Variants in IMPG2 observed in about 807,000 individuals in gnomAD.
IMPG2 encodes the protein IPM 200.
IMPG2 carries 91 observed loss-of-function variants against 129.2 expected under a neutral mutation model. The observed-to-expected ratio is 0.70, with a 90% CI of 0.59 to 0.84. IMPG2 has a LOEUF of 0.84. Ranked by LOEUF, IMPG2 falls within the 40% of genes least tolerant of loss-of-function variation. The pLI is 0.00. For missense variants in IMPG2, 1,430 were observed against 1,461.7 expected (o/e 0.98, Z 0.35); for synonymous variants, 510 against 517.7 (o/e 0.99, Z 0.20).
intron 1 of IMPG2, 117 bp from the exon 2 acceptor site, chr3:101,319,949 A>C (rs577420930): frequency 9.7e-7 from 1 of 1,031,408 alleles, no homozygotes; most frequent in South Asian, 1.4e-5. Context: ...TGCCCAAATC[A>C]TAGGCAGGCA....
intron 9 of IMPG2, among the ~76,000 whole-genome samples, chr3:101,260,936 G>A (rs1270238261): frequency 6.6e-6 from 1 of 152,072 alleles, no homozygotes; most frequent in Non-Finnish European, 1.5e-5. Context: ...CCCTAATGAA[G>A]GCAGATAAGA....
chr3:101,319,960 T>G, intron 1 of IMPG2, 128 bp from the exon 2 acceptor site: 8 of 938,050 alleles, frequency 8.5e-6, no homozygotes, highest in South Asian at 2.9e-5. Flanking sequence ...TAGGCAGGCA[T>G]GCATATCTAA....
chr3:101,296,342 T>G (rs565235461), intron 3 of IMPG2, among the ~76,000 whole-genome samples: 4 of 152,282 alleles, frequency 2.6e-5, no homozygotes, highest in Non-Finnish European at 5.9e-5. Flanking sequence ...TTGTCATTGG[T>G]TCTGTTTATG....
chr3:101,271,400 C>T (rs1420798099), intron 7 of IMPG2, among the ~76,000 whole-genome samples: 1 of 152,140 alleles, frequency 6.6e-6, no homozygotes, highest in East Asian at 1.9e-4. Context: ...TATAGATATC[C>T]AGTTGCATGA....
chr3:101,307,417 G>C (rs1490673596), intron 2 of IMPG2, among the ~76,000 whole-genome samples: 1 of 152,196 alleles, frequency 6.6e-6, no homozygotes, highest in Non-Finnish European at 1.5e-5. Context: ...ATAAAGGAAA[G>C]AGATTTAACT....
intron 3 of IMPG2, among the ~76,000 whole-genome samples, chr3:101,292,815 AT>A (rs1707034521): frequency 6.6e-6 from 1 of 152,174 alleles, no homozygotes; most frequent in Non-Finnish European, 1.5e-5. Flanking sequence ...TAAATCCTTT[AT>A]TGTCATTTCA....
At position 101,320,282 on chromosome 3, in the gene IMPG2, A is replaced by T. The variant is rs201024334; in HGVS notation, c.85+6T>A. On this transcript the variant is annotated splice_donor_region_variant and intron_variant, in intron 1 of 18. Coordinates refer to ENST00000193391, the MANE Select transcript of IMPG2 (RefSeq NM_016247.4). ...AAGATAAAAACAAATGTAGATTTTTAAATACCTGTTAATGATGGAAAGTCT... is the reference window on the plus strand; with the variant it reads ...AAGATAAAAACAAATGTAGATTTTTTAATACCTGTTAATGATGGAAAGTCT... 2.0e-6 allele frequency: 3 copies of T among 1,474,890 alleles called. No homozygotes were observed. Among genetic ancestry groups the T allele is most frequent in the African/African-American group, 1.4e-5 (1 of 71,948 alleles). The allele number at this position is 1,474,890 out of a possible 1,614,324, so 91.4% of individuals were successfully genotyped here.
In IMPG2 at chr3:101,286,332, T is replaced by G. The variant is rs575337524; in HGVS notation, c.533+5147A>C. Among the ~76,000 whole-genome samples, 4 of 152,266 alleles carry G rather than the reference T, an allele frequency of 2.6e-5. No homozygotes were observed. The East Asian group carries it at 5.8e-4, about 22-fold the overall frequency. On this transcript the variant is annotated intron_variant, in intron 4 of 18. Coordinates refer to ENST00000193391, the MANE Select transcript of IMPG2 (RefSeq NM_016247.4). The stretch of plus-strand genomic sequence containing the variant: ...TGTCCATTCTTGTGAGTAAGAAGCT[T>G]TTTACAATATTCTAAGTAACTGCTG...
At chr3:101,273,827 A>AGCTGCCTTTAGCACAGTT in intron 6 of IMPG2, 85 bp from the exon 7 acceptor site, 1 of 1,327,286 alleles carries the variant, frequency 7.5e-7, no homozygotes. Flanking sequence ...ATGTGTCAGA[A>AGCTGCCTTTAGCACAGTT]CTGTGCTAAA....
intron 14 of IMPG2, among the ~76,000 whole-genome samples, chr3:101,239,806 A>T (rs1257685172): frequency 6.6e-6 from 1 of 152,222 alleles, no homozygotes; most frequent in Admixed American, 6.5e-5. Flanking sequence ...ATTCTCAGCG[A>T]ACTAACACAG....
intron 2 of IMPG2, among the ~76,000 whole-genome samples, chr3:101,307,848 G>T (rs933061943): frequency 6.6e-6 from 1 of 152,076 alleles, no homozygotes; most frequent in Admixed American, 6.5e-5. Context: ...CAAGTCCAAA[G>T]TCTCATCTGA....
intron 3 of IMPG2, among the ~76,000 whole-genome samples, chr3:101,298,246 T>A (rs965339894): frequency 1.3e-5 from 2 of 152,178 alleles, no homozygotes; most frequent in Non-Finnish European, 1.5e-5. Flanking sequence ...TCTTTCCATT[T>A]GCTTGGTAAA....
In IMPG2 at chr3:101,289,509, T is replaced by C. The variant is rs80019856; in HGVS notation, c.533+1970A>G. Among the ~76,000 whole-genome samples the C allele has an allele frequency of 7.6e-3, 1,161 of 152,254 alleles. 8 individuals carry two copies. Among genetic ancestry groups the C allele is most frequent in the Non-Finnish European group, 0.011 (718 of 68,008 alleles). ...CAATAAATGTTAAAATGCTATTACATGTTTGATAATGTTAGTCAGGCAACA... is the reference window on the plus strand; with the variant it reads ...CAATAAATGTTAAAATGCTATTACACGTTTGATAATGTTAGTCAGGCAACA... On this transcript the variant is annotated intron_variant, in intron 4 of 18. Transcript: ENST00000193391.
chr3:101,234,998 C>G lies in IMPG2; in HGVS notation c.3023-2007G>C, dbSNP rs570114292. Among the ~76,000 whole-genome samples, 105 of 152,322 alleles carry G rather than the reference C, an allele frequency of 6.9e-4. 2 individuals are homozygous for G. In the South Asian group the frequency reaches 0.017, roughly 24 times the overall value. The stretch of plus-strand genomic sequence containing the variant: ...AATGAGATATCTTGGGGATGGAACA[C>G]ACGTCTACACAAAAAACTCATTTAT... On this transcript the variant is annotated intron_variant, in intron 14 of 18. Transcript: ENST00000193391.
Position 101,320,304 on chromosome 3 carries a change from G to A in IMPG2, c.69C>T (p.Asp23=). 6.3e-7 allele frequency: 1 copy of A among 1,583,026 alleles called. No individual in the cohort carries two copies. Among genetic ancestry groups the A allele is most frequent in the Non-Finnish European group, 8.7e-7 (1 of 1,152,608 alleles). Reference sequence around the variant, plus strand: ...TTTAAATACCTGTTAATGATGGAAAGTCTCCTTCTATCAGGACAAATATCA... The same window carrying A: ...TTTAAATACCTGTTAATGATGGAAAATCTCCTTCTATCAGGACAAATATCA... ...GILIFVLIEG[D]FPSLTAQTYL... is the part of the protein sequence containing the mutation. The change falls in exon 1 of 19, where the codon GAC becomes GAT. Residue 23 remains aspartate (D), a synonymous_variant. Coordinates refer to ENST00000193391, the MANE Select transcript of IMPG2 (RefSeq NM_016247.4).
At chr3:101,288,931 G>T (rs753883171) in intron 4 of IMPG2, among the ~76,000 whole-genome samples, 3 of 152,078 alleles carry the variant, frequency 2.0e-5, no homozygotes, top group Non-Finnish European at 1.5e-5. Context: ...GGTCTGATTG[G>T]TTAAACAAAG....
At chr3:101,312,506 T>A (rs537762013) in intron 2 of IMPG2, among the ~76,000 whole-genome samples, 76 of 151,834 alleles carry the variant, frequency 5.0e-4, no homozygotes, top group East Asian at 2.1e-3. Context: ...ATACTTTTTT[T>A]AAAAAAAAGG....
At chr3:101,291,430 G>C in intron 4 of IMPG2, 49 bp downstream of exon 4, 1 of 1,511,316 alleles carries the variant, frequency 6.6e-7, no homozygotes, top group Non-Finnish European at 9.2e-7. Context: ...ATTAGGCTAT[G>C]ACACATCTGT....
chr3:101,274,797 T>C (rs1380449722), intron 6 of IMPG2, among the ~76,000 whole-genome samples: 7 of 152,196 alleles, frequency 4.6e-5, no homozygotes, highest in Admixed American at 3.9e-4. Flanking sequence ...TTTTATTCAT[T>C]CATTCACAAA....
Sources: gnomAD v4.1 joint callset for allele counts (sites outside exome capture counted in the v4.1 genomes callset) on GRCh38, gnomAD v4.1.1 for gene constraint, MANE v1.5 for transcripts, NCBI Gene and HGNC (gene_info 2026-07-23, HGNC 2026-07-21) for gene names.